The following PAK5 variants were observed in gnomAD, a reference collection of about 807,000 sequenced individuals.
The protein encoded by PAK5 is serine/threonine-protein kinase PAK 5.
A neutral mutation model predicts 65.9 loss-of-function variants in PAK5; 16 were observed. The observed-to-expected ratio is 0.24, with a 90% CI of 0.16 to 0.37. The LOEUF is 0.37. Among genes scored for constraint, PAK5 ranks in the 10% least tolerant of loss-of-function variants. The pLI is 1.00. For synonymous variants in PAK5, 371 were observed against 354.9 expected, an observed-to-expected ratio of 1.05 and a Z score of -0.51; for missense variants, 785 against 903.9, an observed-to-expected ratio of 0.87 and a Z score of 1.69.
At chr20:9,583,832 T>C (rs1353379684) in intron 3 of PAK5, among the ~76,000 whole-genome samples, 3 of 152,242 alleles carry the variant, frequency 2.0e-5, no homozygotes, top group Non-Finnish European at 4.4e-5. Flanking sequence ...TCTGTCCTTA[T>C]TGTTTTGTCT....
intron 1 of PAK5, among the ~76,000 whole-genome samples, chr20:9,815,587 A>C (rs1406149917): frequency 6.6e-6 from 1 of 152,108 alleles, no homozygotes; most frequent in Non-Finnish European, 1.5e-5. Flanking sequence ...ATAATTTTGC[A>C]ATGGTCCCGT....
intron 3 of PAK5, among the ~76,000 whole-genome samples, chr20:9,633,778 G>A (rs2046952126): frequency 6.6e-6 from 1 of 152,202 alleles, no homozygotes; most frequent in South Asian, 2.1e-4. Context: ...AGTTACAGTA[G>A]GGGAACACAG....
At chr20:9,559,069 T>C (rs1444207762) in intron 6 of PAK5, among the ~76,000 whole-genome samples, 1 of 152,162 alleles carries the variant, frequency 6.6e-6, no homozygotes, top group Non-Finnish European at 1.5e-5. Flanking sequence ...ATGAGTGAAA[T>C]AGTTCAGCCA....
intron 1 of PAK5, among the ~76,000 whole-genome samples, chr20:9,801,989 G>T (rs2049174299): frequency 6.6e-6 from 1 of 152,144 alleles, no homozygotes; most frequent in Non-Finnish European, 1.5e-5. Flanking sequence ...CCACCAGTAA[G>T]GTTGGCTGAT....
At position 9,566,074 on chromosome 20, in the gene PAK5, G is replaced by C. The variant is rs2122995634; in HGVS notation, c.1301C>G (p.Ala434Gly). The change falls in exon 5 of 10, where the codon GCG becomes GGG. Residue 434 changes from alanine to glycine, a missense_variant. Physicochemically the swap from Ala to Gly is moderately conservative, Grantham distance 60 (BLOSUM62 0). Transcript: ENST00000353224. ...PSRVSHEQFR[A>G]ALQLVVSPGD... ...TGGGCTGACCACCAGCTGCAGGGCC[G>C]CCCGAAACTGTTCATGGGACACCCT... 1.2e-6 allele frequency: 2 copies of C among 1,613,878 alleles called. No homozygotes were observed. Among genetic ancestry groups the C allele is most frequent in the South Asian group, 2.2e-5 (2 of 91,070 alleles).
chr20:9,560,378 G>A (rs1399865531), intron 6 of PAK5, among the ~76,000 whole-genome samples: 2 of 152,130 alleles, frequency 1.3e-5, no homozygotes, highest in Non-Finnish European at 2.9e-5. Context: ...TTAAAATTTT[G>A]AGATAGAGTC....
intron 2 of PAK5, among the ~76,000 whole-genome samples, chr20:9,675,171 G>A (rs554150321): frequency 6.6e-6 from 1 of 152,132 alleles, no homozygotes; most frequent in Admixed American, 6.5e-5. Context: ...AGCTTTCTGA[G>A]TAGACAGAAC....
intron 2 of PAK5, among the ~76,000 whole-genome samples, chr20:9,681,353 T>C (rs1171885797): frequency 1.3e-5 from 2 of 152,174 alleles, no homozygotes; most frequent in African/African-American, 4.8e-5. Context: ...ACATTCTGTA[T>C]TTCAGTTGAA....
chr20:9,555,796 C>T (rs1245275272), intron 7 of PAK5, among the ~76,000 whole-genome samples: 2 of 152,148 alleles, frequency 1.3e-5, no homozygotes, highest in Non-Finnish European at 2.9e-5. Context: ...TTGAAAGGGC[C>T]TACACATCAG....
chr20:9,629,445 T>A (rs951436158), intron 3 of PAK5, among the ~76,000 whole-genome samples: 4 of 151,982 alleles, frequency 2.6e-5, no homozygotes, highest in Admixed American at 1.3e-4. Context: ...GCCTTTTCTC[T>A]GGGTGGGCAC....
At chr20:9,594,301 G>T (rs1013884636) in intron 3 of PAK5, among the ~76,000 whole-genome samples, 1 of 152,178 alleles carries the variant, frequency 6.6e-6, no homozygotes, top group Non-Finnish European at 1.5e-5. Context: ...AAATCTCCAG[G>T]TAATTAAAAT....
intron 1 of PAK5, among the ~76,000 whole-genome samples, chr20:9,822,887 G>C (rs182429771): frequency 2.0e-5 from 3 of 152,172 alleles, no homozygotes; most frequent in Non-Finnish European, 4.4e-5. Context: ...TCCCCTTTGG[G>C]TGGACTGATT....
intron 3 of PAK5, among the ~76,000 whole-genome samples, chr20:9,592,168 C>A (rs544681565): frequency 6.6e-6 from 1 of 152,212 alleles, no homozygotes; most frequent in East Asian, 1.9e-4. Context: ...AGAGAATAGA[C>A]TCTAAGAACT....
intron 2 of PAK5, among the ~76,000 whole-genome samples, chr20:9,708,716 G>A (rs1008983400): frequency 1.3e-5 from 2 of 152,046 alleles, no homozygotes; most frequent in African/African-American, 2.4e-5. Flanking sequence ...TGTATGGCAC[G>A]TTACAAATAC....
At chr20:9,696,096 T>C (rs1182821680) in intron 2 of PAK5, among the ~76,000 whole-genome samples, 4 of 152,144 alleles carry the variant, frequency 2.6e-5, no homozygotes, top group Non-Finnish European at 5.9e-5. Context: ...GGCCAGTGGC[T>C]ACCATACTGG....
rs1452055345 is a variant in PAK5 at position 9,838,025 on chromosome 20, T to G, written c.-162+737A>C. Among the ~76,000 whole-genome samples the G allele has an allele frequency of 6.6e-6, 1 of 152,114 alleles. No individual in the cohort carries two copies. Among genetic ancestry groups the G allele is most frequent in the African/African-American group, 2.4e-5 (1 of 41,428 alleles). ...CGCGCTTATCCTCCAAACTGAGCAG[T>G]GATGATCCCTGGACTTCTCAAGTTT... is the stretch of plus-strand genomic sequence containing the variant. On this transcript the variant is annotated intron_variant, in intron 1 of 9. Coordinates refer to ENST00000353224, the MANE Select transcript of PAK5 (RefSeq NM_177990.4). The surrounding 1 kb of genome is among the most constrained non-coding windows in gnomAD (Gnocchi z 4.5).
intron 1 of PAK5, among the ~76,000 whole-genome samples, chr20:9,804,773 G>T (rs1446334778): frequency 6.6e-6 from 1 of 152,138 alleles, no homozygotes; most frequent in Admixed American, 6.5e-5. Context: ...TGTGGGCCAG[G>T]TGTGATGGCT....
intron 1 of PAK5, among the ~76,000 whole-genome samples, chr20:9,786,277 G>T (rs1470789347): frequency 1.3e-5 from 2 of 152,038 alleles, no homozygotes; most frequent in Non-Finnish European, 2.9e-5. Context: ...GAAGAAGTAG[G>T]CTGTGAATGA....
intron 1 of PAK5, among the ~76,000 whole-genome samples, chr20:9,715,692 T>C (rs1479801549): frequency 6.6e-6 from 1 of 151,962 alleles, no homozygotes. Flanking sequence ...GTGGCACATA[T>C]ACACCATGGA....
Sources: allele counts gnomAD v4.1 joint callset (sites outside exome capture counted in the v4.1 genomes callset), GRCh38; gene constraint gnomAD v4.1.1; non-coding constraint Gnocchi (gnomAD v3.1); transcripts MANE v1.5; gene names NCBI Gene and HGNC (gene_info 2026-07-23, HGNC 2026-07-21).